Variants in PCDHGA9 observed in about 807,000 individuals in gnomAD.
PCDHGA9 encodes protocadherin gamma subfamily A, 9, also known as protocadherin gamma-A9.
Under a neutral mutation model 62.5 loss-of-function variants are expected in PCDHGA9, and 37 were observed. That is an observed-to-expected ratio of 0.59 (90% CI 0.46 to 0.78). The LOEUF is 0.78. Ranked by LOEUF, PCDHGA9 falls within the 30% of genes least tolerant of loss-of-function variation. The pLI is 0.00. For missense variants in PCDHGA9, 1,138 were observed against 1,166.2 expected (o/e 0.98, Z 0.35); for synonymous variants, 459 against 484.6 (o/e 0.95, Z 0.69).
chr5:141,461,230 G>T (rs945407206), intron 1 of PCDHGA9, among the ~76,000 whole-genome samples: 2 of 152,024 alleles, frequency 1.3e-5, no homozygotes, highest in African/African-American at 4.8e-5. Flanking sequence ...TTCCATAGAG[G>T]TTGTACTAAT....
rs775712620 is a variant in PCDHGA9, at chr5:141,491,341, G to T, written c.2425-3466G>T. 1 of 1,613,982 alleles carries T rather than the reference G, an allele frequency of 6.2e-7. No homozygotes were observed. The highest frequency in any genetic ancestry group is 8.5e-7 in the Non-Finnish European group (1 of 1,180,016). ...TTACCTCATTGTGGCTCTAGCGACC[G>T]TCAGTCTCTTATCCCTAGTCACCTT... On this transcript the variant is annotated intron_variant, in intron 1 of 3. Coordinates refer to ENST00000573521, the MANE Select transcript of PCDHGA9 (RefSeq NM_018921.3). The surrounding 1 kb of genome is among the most constrained non-coding windows in gnomAD (Gnocchi z 6.9).
chr5:141,412,534 A>G (rs1324712420), intron 1 of PCDHGA9: 1 of 152,192 alleles, frequency 6.6e-6, no homozygotes, highest in African/African-American at 2.4e-5. Context: ...ACAATTATAA[A>G]GCTTCAGAGT....
At chr5:141,423,773 T>A in intron 1 of PCDHGA9, 6 of 901,238 alleles carry the variant, frequency 6.7e-6, no homozygotes, top group Non-Finnish European at 7.3e-6. Flanking sequence ...GGGCGGCATA[T>A]ATTTAGTTCA....
At position 141,485,275 on chromosome 5, in the gene PCDHGA9, G is replaced by A. The variant is rs77402299; in HGVS notation, c.2425-9532G>A. The A allele has an allele frequency of 8.7e-6, 14 of 1,613,954 alleles. No homozygotes were observed. In the African/African-American group the frequency reaches 1.1e-4, roughly 12 times the overall value. ...ACGTTTGTGGGCAGATCCGCTACCC[G>A]GTCCCAGAGGAGTCACAGGAAGGGA... On this transcript the variant is annotated intron_variant, in intron 1 of 3. Transcript: ENST00000573521. The surrounding 1 kb of genome is among the most constrained non-coding windows in gnomAD (Gnocchi z 5.7).
In PCDHGA9 at chr5:141,510,929, C is replaced by T. The variant is rs1238694958; in HGVS notation, c.2573-18C>T. The T allele has an allele frequency of 3.1e-6, 5 of 1,613,988 alleles. No homozygotes were observed. The highest frequency in any genetic ancestry group is 4.2e-6 in the Non-Finnish European group (5 of 1,179,988). On this transcript the variant is annotated intron_variant, in intron 3 of 3. Coordinates refer to ENST00000573521, the MANE Select transcript of PCDHGA9 (RefSeq NM_018921.3). ...ACCCTAAGTTTAGCTCCCACCTGAT[C>T]TTCCTCTGTCTCTGCAGAAGCTGCT...
chr5:141,422,136 AGTACGGGG>A (rs772818860), intron 1 of PCDHGA9: 9 of 1,588,992 alleles, frequency 5.7e-6, no homozygotes, highest in Non-Finnish European at 7.7e-6. Flanking sequence ...GAGAAGTTCA[AGTACGGGG>A]GTCTCTGGAT....
At chr5:141,419,555 G>A (rs1411289369) in intron 1 of PCDHGA9, 3 of 1,611,876 alleles carry the variant, frequency 1.9e-6, no homozygotes, top group South Asian at 1.1e-5. Context: ...GCTGTACCCT[G>A]CGCTGGGTCC....
chr5:141,414,751 T>C (rs2095785645), intron 1 of PCDHGA9: 4 of 1,614,084 alleles, frequency 2.5e-6, no homozygotes, highest in Non-Finnish European at 1.7e-6. Flanking sequence ...ATCCTTCGAC[T>C]ATGAGCAGTT....
intron 1 of PCDHGA9, among the ~76,000 whole-genome samples, chr5:141,437,741 CT>C (rs35124340): frequency 3.0e-3 from 425 of 141,590 alleles, no homozygotes; most frequent in African/African-American, 3.7e-3. Context: ...TTGAGTTCAC[CT>C]TTTTTTTTTT....
chr5:141,501,333 A>ACACACACC (rs1186649373), intron 2 of PCDHGA9, among the ~76,000 whole-genome samples: 1 of 140,020 alleles, frequency 7.1e-6, no homozygotes, highest in African/African-American at 2.6e-5. Context: ...ACACACACAC[A>ACACACACC]CCCCAAACTC....
intron 1 of PCDHGA9, chr5:141,419,164 C>G: frequency 6.2e-7 from 1 of 1,613,966 alleles, no homozygotes; most frequent in Non-Finnish European, 8.5e-7. Context: ...TATCCTCCAG[C>G]AAAACCATAA....
In PCDHGA9 at chr5:141,512,009, CAAGTT is replaced by C. The variant is rs1409890580; in HGVS notation, c.*838_*842del. On this transcript the variant is annotated 3_prime_UTR_variant, in exon 4 of 4. Transcript: ENST00000573521. ...GGGGCATGGACAAAGCTTGACACATCAAGTTATCAAGGCCTTGGAGGAGGCTCTGT... is the reference window on the plus strand; with the variant it reads ...GGGGCATGGACAAAGCTTGACACATCATCAAGGCCTTGGAGGAGGCTCTGT... 1 of 153,074 alleles carries C rather than the reference CAAGTT, an allele frequency of 6.5e-6. No individual in the cohort carries two copies. The highest frequency in any genetic ancestry group is 1.9e-4 in the East Asian group (1 of 5,182). 9.5% of individuals were successfully genotyped at this position (153,074 alleles called of 1,614,324 possible).
rs2099610288 is a variant in PCDHGA9, at chr5:141,485,252, G to A, written c.2425-9555G>A. ...GTTCCTCTTTTACCACCTGGGTTAC[G>A]TTTGTGGGCAGATCCGCTACCCGGT... On this transcript the variant is annotated intron_variant, in intron 1 of 3. Coordinates refer to ENST00000573521, the MANE Select transcript of PCDHGA9 (RefSeq NM_018921.3). This position sits in a 1 kb window ranked among gnomAD's most constrained non-coding sequence, Gnocchi z 5.7. 6.2e-7 allele frequency: 1 copy of A among 1,614,042 alleles called. No individual in the cohort carries two copies. The highest frequency in any genetic ancestry group is 1.7e-5 in the Admixed American group (1 of 60,008).
intron 1 of PCDHGA9, among the ~76,000 whole-genome samples, chr5:141,453,692 C>G (rs1182118927): frequency 6.6e-6 from 1 of 152,146 alleles, no homozygotes; most frequent in African/African-American, 2.4e-5. Flanking sequence ...GTAGGTAGTC[C>G]TGGCTTTGAA....
In PCDHGA9 at chr5:141,489,432, G is replaced by A. The variant is rs2099687138; in HGVS notation, c.2425-5375G>A. ...TGACAGATCTGTTGAGCCGGCGGCTGCAATTGGGCTCTGAGGAGAATGGGC... is the reference window on the plus strand; with the variant it reads ...TGACAGATCTGTTGAGCCGGCGGCTACAATTGGGCTCTGAGGAGAATGGGC... On this transcript the variant is annotated intron_variant, in intron 1 of 3. Transcript: ENST00000573521. The surrounding 1 kb of genome is among the most constrained non-coding windows in gnomAD (Gnocchi z 4.5). 3.1e-6 allele frequency: 5 copies of A among 1,614,166 alleles called. No individual in the cohort carries two copies. Among genetic ancestry groups the A allele is most frequent in the Non-Finnish European group, 4.2e-6 (5 of 1,180,036 alleles).
intron 1 of PCDHGA9, among the ~76,000 whole-genome samples, chr5:141,451,644 G>A (rs1730833205): frequency 6.6e-6 from 1 of 152,178 alleles, no homozygotes; most frequent in Non-Finnish European, 1.5e-5. Context: ...CACTCTGAGA[G>A]GCCAAGGAGG....
chr5:141,454,407 T>TTTTA (rs1029547484), intron 1 of PCDHGA9, among the ~76,000 whole-genome samples: 21 of 152,236 alleles, frequency 1.4e-4, no homozygotes, highest in Admixed American at 1.2e-3. Flanking sequence ...GCTTATTCCT[T>TTTTA]TTTATTTATT....
At chr5:141,478,617 G>T in intron 1 of PCDHGA9, 1 of 1,556,398 alleles carries the variant, frequency 6.4e-7, no homozygotes, top group South Asian at 1.2e-5. Context: ...AGGAAGGAAT[G>T]GAGCTGTTTT....
In PCDHGA9 at chr5:141,413,998, G is replaced by A; in HGVS notation, c.2424+8622G>A. On this transcript the variant is annotated intron_variant, in intron 1 of 3. Transcript: ENST00000573521. The stretch of plus-strand genomic sequence containing the variant: ...GACAGTCACAGCCACCGACAGGGAC[G>A]AAGGTGCCAATGGAGAAGTGACATA... 1 of 1,613,320 alleles carries A rather than the reference G, an allele frequency of 6.2e-7. No individual in the cohort carries two copies. The highest frequency in any genetic ancestry group is 1.6e-4 in the Middle Eastern group (1 of 6,062).
Sources: gnomAD v4.1 joint callset for allele counts (sites outside exome capture counted in the v4.1 genomes callset) on GRCh38, gnomAD v4.1.1 for gene constraint, Gnocchi (gnomAD v3.1) non-coding constraint, MANE v1.5 for transcripts, NCBI Gene and HGNC (gene_info 2026-07-23, HGNC 2026-07-21) for gene names.